The following SUCO variants were observed in gnomAD, a reference collection of about 807,000 sequenced individuals.
SUCO encodes SUN domain-containing ossification factor.
A neutral mutation model predicts 148.1 loss-of-function variants in SUCO; 57 were observed. That is an observed-to-expected ratio of 0.38 (90% CI 0.31 to 0.48). SUCO has a LOEUF of 0.48. SUCO is among the 20% of genes least tolerant of loss of function. The pLI, the probability that SUCO is intolerant of heterozygous loss-of-function variation, is 0.96. For missense variants in SUCO, 1,331 were observed against 1,468.2 expected (o/e 0.91, Z 1.53); for synonymous variants, 470 against 502.7 (o/e 0.93, Z 0.87).
intron 15 of SUCO, among the ~76,000 whole-genome samples, chr1:172,583,986 A>T (rs1315329923): frequency 6.6e-6 from 1 of 152,174 alleles, no homozygotes; most frequent in Non-Finnish European, 1.5e-5. Context: ...AGGTATGCAA[A>T]TTGCTTTTTA....
In SUCO at chr1:172,602,801, GATATATA is replaced by G; in HGVS notation, c.3265+19_3265+25del. On this transcript the variant is annotated intron_variant, in intron 22 of 23. Coordinates refer to ENST00000263688, the MANE Select transcript of SUCO (RefSeq NM_014283.5). ...CTGGCAAAGAAGGTAGATTTCTGTG[GATATATA>G]ATATGTATATATAAACATGAAACTA... is the stretch of plus-strand genomic sequence containing the variant. The G allele has an allele frequency of 6.3e-7, 1 of 1,580,242 alleles. No homozygotes were observed. The highest frequency in any genetic ancestry group is 8.7e-7 in the Non-Finnish European group (1 of 1,151,188).
intron 4 of SUCO, among the ~76,000 whole-genome samples, chr1:172,556,435 A>G (rs1344766248): frequency 6.6e-6 from 1 of 152,116 alleles, no homozygotes. Flanking sequence ...ACTTTTTCAA[A>G]CTCGATAATA....
chr1:172,604,120 C>G (rs1442490431), intron 22 of SUCO, among the ~76,000 whole-genome samples: 1 of 151,858 alleles, frequency 6.6e-6, no homozygotes, highest in Non-Finnish European at 1.5e-5. Flanking sequence ...TCTAAACATT[C>G]CTTATTTGAG....
At chr1:172,534,446 A>G (rs1651863995) in intron 1 of SUCO, among the ~76,000 whole-genome samples, 1 of 152,238 alleles carries the variant, frequency 6.6e-6, no homozygotes, top group Non-Finnish European at 1.5e-5. Flanking sequence ...TCTGCAAAGC[A>G]CCAACACTAT....
Position 172,575,511 on chromosome 1 carries a change from T to G in SUCO, c.1158-7T>G. On this transcript the variant is annotated splice_region_variant and splice_polypyrimidine_tract_variant and intron_variant, in intron 10 of 23. Coordinates refer to ENST00000263688, the MANE Select transcript of SUCO (RefSeq NM_014283.5). ...TTAAAAAAGAACATATTGCTTATAT[T>G]TTTTAGATATCCAACAAATAAGTGG... 6 of 1,584,590 alleles carry G rather than the reference T, an allele frequency of 3.8e-6. No individual in the cohort carries two copies. The highest frequency in any genetic ancestry group is 5.2e-6 in the Non-Finnish European group (6 of 1,155,886).
Position 172,589,744 on chromosome 1 carries a change from G to T in SUCO, c.2643G>T (p.Gln881His). ...SPEDALLRGL[Q>H]RTATDFYAEL... ...AAGATGCCCTTTTGAGAGGGTTACA[G>T]AGGACAGCTACAGATTTTTATGCTG... is the stretch of plus-strand genomic sequence containing the variant. The change falls in exon 18 of 24, where the codon CAG (glutamine) becomes CAT (histidine). Residue 881 changes from glutamine to histidine, a missense_variant. Physicochemically the swap from Gln to His is conservative, Grantham distance 24. Around this residue, in one of 3 missense-constraint regions of SUCO, gnomAD observed 992 missense variants for 1,093.5 expected, o/e 0.91. Coordinates refer to ENST00000263688, the MANE Select transcript of SUCO (RefSeq NM_014283.5). The T allele has an allele frequency of 6.2e-7, 1 of 1,613,044 alleles. No individual in the cohort carries two copies.
At chr1:172,568,126 ATCCCAAAACCAT>A in intron 6 of SUCO, among the ~76,000 whole-genome samples, 1 of 152,310 alleles carries the variant, frequency 6.6e-6, no homozygotes, top group South Asian at 2.1e-4. Context: ...GGAACAGTTC[ATCCCAAAACCAT>A]CTCCCTGCCC....
At chr1:172,547,007 A>T (rs140206061) in intron 1 of SUCO, among the ~76,000 whole-genome samples, 1 of 152,166 alleles carries the variant, frequency 6.6e-6, no homozygotes, top group Middle Eastern at 3.2e-3. Flanking sequence ...CCCCCTCAAG[A>T]TATAGAATAT....
At chr1:172,588,504 C>T (rs1445530771) in intron 17 of SUCO, 1 of 984,744 alleles carries the variant, frequency 1.0e-6, no homozygotes, top group Non-Finnish European at 1.2e-6. Context: ...TAAAAGAAAG[C>T]AAGTTTGATA....
intron 22 of SUCO, chr1:172,603,344 A>G (rs1323475039): frequency 2.0e-5 from 3 of 152,106 alleles, no homozygotes; most frequent in Non-Finnish European, 4.4e-5. Flanking sequence ...ATGCATATTA[A>G]TAGAATTAGA....
intron 6 of SUCO, among the ~76,000 whole-genome samples, chr1:172,563,096 T>C (rs1170579605): frequency 6.6e-6 from 1 of 152,192 alleles, no homozygotes; most frequent in Non-Finnish European, 1.5e-5. Flanking sequence ...TGTGAGTCAA[T>C]TAAAAATTAA....
chr1:172,570,200 A>G (rs1249565819), intron 8 of SUCO, 29 bp downstream of exon 8: 2 of 1,406,680 alleles, frequency 1.4e-6, no homozygotes, highest in Non-Finnish European at 9.6e-7. Flanking sequence ...AATTTTGTAT[A>G]TATAGGAAAT....
intron 6 of SUCO, among the ~76,000 whole-genome samples, chr1:172,559,819 A>G (rs753835785): frequency 6.6e-6 from 1 of 152,114 alleles, no homozygotes; most frequent in Non-Finnish European, 1.5e-5. Context: ...TGGTAAACAG[A>G]CATAGCACAT....
At chr1:172,608,948 T>G (rs1280340951) in intron 23 of SUCO, 146 bp downstream of exon 23, 2 of 668,254 alleles carry the variant, frequency 3.0e-6, no homozygotes, top group African/African-American at 3.7e-5. Context: ...AAATAAATAT[T>G]AACAGGGGTC....
At position 172,610,282 on chromosome 1, in the gene SUCO, G is replaced by C; in HGVS notation, c.*23G>C. On this transcript the variant is annotated 3_prime_UTR_variant, in exon 24 of 24. Coordinates refer to ENST00000263688, the MANE Select transcript of SUCO (RefSeq NM_014283.5). The stretch of plus-strand genomic sequence containing the variant: ...TAAAATTAATTGAACTTTTCATACA[G>C]AAGACTTTTTTGTTGTTGTTCTTTG... 7 of 1,549,938 alleles carry C rather than the reference G, an allele frequency of 4.5e-6. No individual in the cohort carries two copies. The highest frequency in any genetic ancestry group is 6.1e-6 in the Non-Finnish European group (7 of 1,153,246).
At chr1:172,571,632 G>T (rs1473138296) in intron 9 of SUCO, among the ~76,000 whole-genome samples, 1 of 136,376 alleles carries the variant, frequency 7.3e-6, no homozygotes, top group Admixed American at 7.2e-5. Context: ...CTTCCCTGCC[G>T]CCATCCCATC....
upstream of SUCO, chr1:172,532,946 C>A: frequency 7.3e-7 from 1 of 1,361,218 alleles, no homozygotes; most frequent in African/African-American, 1.5e-5. Flanking sequence ...CCGGCTTCTC[C>A]GCCTGCGACG....
chr1:172,590,927 T>G (rs1263352230), intron 18 of SUCO, 57 bp from the exon 19 acceptor site: 10 of 1,245,878 alleles, frequency 8.0e-6, no homozygotes, highest in Non-Finnish European at 1.0e-5. Flanking sequence ...ATGTTTCCAT[T>G]ACTAAGTGGA....
Position 172,609,938 on chromosome 1 carries a change from T to C in SUCO, c.3444T>C (p.Ser1148=), listed in dbSNP as rs1231005273. 1 of 1,613,938 alleles carries C rather than the reference T, an allele frequency of 6.2e-7. No individual in the cohort carries two copies. Among genetic ancestry groups the C allele is most frequent in the Non-Finnish European group, 8.5e-7 (1 of 1,179,874 alleles). The change falls in exon 24 of 24, where the codon TCT becomes TCC. Residue 1148 remains serine (S), a synonymous_variant. Coordinates refer to ENST00000263688, the MANE Select transcript of SUCO (RefSeq NM_014283.5). ...CCTTTACGAACCAGAGAGATTTTTC[T>C]AATATGGGAGAAGTTTATCACTCTT... The part of the protein sequence containing the change: ...RKPFTNQRDF[S]NMGEVYHSSY...
Sources: allele counts gnomAD v4.1 joint callset (sites outside exome capture counted in the v4.1 genomes callset), GRCh38; gene constraint gnomAD v4.1.1; regional missense constraint gnomAD v4.1.1; transcripts MANE v1.5; gene names NCBI Gene and HGNC (gene_info 2026-07-23, HGNC 2026-07-21).